Variants in NSMCE4A observed in about 807,000 individuals in gnomAD.
NSMCE4A encodes the protein non-structural maintenance of chromosomes element 4 homolog A.
In NSMCE4A, 40 loss-of-function variants were observed where a neutral mutation model predicts 47.9. That is an observed-to-expected ratio of 0.83 (90% CI 0.65 to 1.09). NSMCE4A has a LOEUF of 1.09. NSMCE4A is among the 50% of genes least tolerant of loss of function. The probability of loss-of-function intolerance (pLI) is 0.00; values close to 1 mark genes in which losing one functional copy is unlikely to be tolerated. For synonymous variants in NSMCE4A, 166 were observed against 178.5 expected, an observed-to-expected ratio of 0.93 and a Z score of 0.56; for missense variants, 500 against 507.0, an observed-to-expected ratio of 0.99 and a Z score of 0.13.
intron 3 of NSMCE4A, among the ~76,000 whole-genome samples, chr10:121,968,795 G>T (rs946067189): frequency 7.9e-5 from 12 of 152,212 alleles, no homozygotes; most frequent in African/African-American, 2.9e-4. Flanking sequence ...AAGGCTACAA[G>T]AGCCTGGTCA....
chr10:121,967,642 A>T lies in NSMCE4A; in HGVS notation c.653+13T>A, dbSNP rs1952631322. 1 of 1,600,994 alleles carries T rather than the reference A, an allele frequency of 6.2e-7. No individual in the cohort carries two copies. On this transcript the variant is annotated intron_variant, in intron 4 of 10. Transcript: ENST00000369023. ...CAAATAACTGGTCTGTTGGATTTTT[A>T]AAATAATCTTACAGAAAGTGGAATG...
intron 6 of NSMCE4A, chr10:121,961,816 T>C: frequency 3.7e-6 from 1 of 273,262 alleles, no homozygotes; most frequent in Non-Finnish European, 6.9e-6. Context: ...AAGAACTTAA[T>C]CATCCAGCTG....
At chr10:121,972,630 G>A (rs1221900048) in intron 2 of NSMCE4A, among the ~76,000 whole-genome samples, 1 of 152,150 alleles carries the variant, frequency 6.6e-6, no homozygotes, top group Non-Finnish European at 1.5e-5. Flanking sequence ...GAACTGACTA[G>A]ATGCACAGTA....
At position 121,961,507 on chromosome 10, in the gene NSMCE4A, T is replaced by C. The variant is rs1952497066; in HGVS notation, c.855A>G (p.Pro285=). 1 of 1,563,424 alleles carries C rather than the reference T, an allele frequency of 6.4e-7. No homozygotes were observed. The highest frequency in any genetic ancestry group is 2.2e-5 in the Admixed American group (1 of 44,504). The change falls in exon 7 of 11, where the codon CCA becomes CCG. Residue 285 remains proline, a synonymous_variant. Transcript: ENST00000369023. ...QTYFREDPDT[P]MSFFDFVVDP... The stretch of plus-strand genomic sequence containing the variant: ...CAACCACAAAGTCAAAGAAGGACAT[T>C]GGGGTATCAGCTATAGACAAAAAGA...
rs755669906 is a variant in NSMCE4A at position 121,963,332 on chromosome 10, A to C, written c.754-4T>G. The C allele has an allele frequency of 6.3e-7, 1 of 1,576,920 alleles. No individual in the cohort carries two copies. Among genetic ancestry groups the C allele is most frequent in the South Asian group, 1.1e-5 (1 of 90,188 alleles). On this transcript the variant is annotated splice_polypyrimidine_tract_variant and splice_region_variant and intron_variant, in intron 5 of 10. Coordinates refer to ENST00000369023, the MANE Select transcript of NSMCE4A (RefSeq NM_017615.3). ...GAGATTCTTCCATTCTTCTTAACTG[A>C]AAAAAGTCATTATCAAGCTGACAGA...
intron 1 of NSMCE4A, chr10:121,974,490 CGTGCCGCTGCAGCTGCAG>C: frequency 1.0e-6 from 1 of 995,200 alleles, no homozygotes. Context: ...ACAGCTCTCG[CGTGCCGCTGCAGCTGCAG>C]CTGCCGCTGC....
chr10:121,964,540 T>A (rs1475883977), intron 5 of NSMCE4A, among the ~76,000 whole-genome samples: 1 of 152,054 alleles, frequency 6.6e-6, no homozygotes, highest in Non-Finnish European at 1.5e-5. Context: ...GCCTCCTAGA[T>A]TCCTAATTCT....
intron 8 of NSMCE4A, 64 bp from the exon 9 acceptor site, chr10:121,959,659 C>T (rs1014681713): frequency 3.4e-5 from 36 of 1,062,186 alleles, no homozygotes; most frequent in Middle Eastern, 2.1e-4. Flanking sequence ...GTAATCTAAA[C>T]GGAAACTGAT....
At chr10:121,957,798 T>C (rs1952425769) in intron 10 of NSMCE4A, among the ~76,000 whole-genome samples, 1 of 152,064 alleles carries the variant, frequency 6.6e-6, no homozygotes, top group Non-Finnish European at 1.5e-5. Flanking sequence ...TTGAAGCACA[T>C]ATTAAGTGCT....
intron 10 of NSMCE4A, among the ~76,000 whole-genome samples, chr10:121,958,960 G>A (rs1248022571): frequency 1.3e-5 from 2 of 152,080 alleles, no homozygotes; most frequent in African/African-American, 4.8e-5. Context: ...GATTACAGGT[G>A]CATGCCACCA....
intron 2 of NSMCE4A, among the ~76,000 whole-genome samples, chr10:121,972,182 C>T (rs1952726624): frequency 6.6e-6 from 1 of 152,080 alleles, no homozygotes; most frequent in African/African-American, 2.4e-5. Context: ...ATTAGCTGGG[C>T]ATGGTGGTGC....
chr10:121,962,463 G>A (rs1326862446), intron 6 of NSMCE4A, among the ~76,000 whole-genome samples: 2 of 151,366 alleles, frequency 1.3e-5, no homozygotes, highest in Non-Finnish European at 2.9e-5. Flanking sequence ...TGGAGGATCT[G>A]TTAAATATAT....
At chr10:121,969,513 A>AAG (rs1310507802) in intron 3 of NSMCE4A, among the ~76,000 whole-genome samples, 2 of 151,998 alleles carry the variant, frequency 1.3e-5, no homozygotes, top group Non-Finnish European at 2.9e-5. Flanking sequence ...AAAAAAAAAA[A>AAG]AAAAAAGGAA....
rs1457698860 is a variant in NSMCE4A, at chr10:121,967,599, AAAGCAATTT to A, written c.653+47_653+55del. The A allele has an allele frequency of 1.1e-5, 17 of 1,549,818 alleles. No homozygotes were observed. The Admixed American group carries it at 2.5e-4, about 23-fold the overall frequency. The stretch of plus-strand genomic sequence containing the variant: ...CAAATAATCTTTGTCCCTACAAGAA[AAAGCAATTT>A]AAGGTTCACAAATAACTGGTCTGTT... On this transcript the variant is annotated intron_variant, in intron 4 of 10. Transcript: ENST00000369023.
intron 5 of NSMCE4A, 26 bp from the exon 6 acceptor site, chr10:121,963,354 C>T (rs1193352204): frequency 7.3e-7 from 1 of 1,366,852 alleles, no homozygotes; most frequent in Admixed American, 1.7e-5. Flanking sequence ...ATCAAGCTGA[C>T]AGACCTACTT....
At chr10:121,959,072 C>A (rs894320733) in intron 10 of NSMCE4A, among the ~76,000 whole-genome samples, 1 of 152,136 alleles carries the variant, frequency 6.6e-6, no homozygotes, top group African/African-American at 2.4e-5. Context: ...CTTGGCCTCC[C>A]AAAGTGCTGG....
In NSMCE4A at chr10:121,972,235, T is replaced by C. The variant is rs933876100; in HGVS notation, c.371-1166A>G. Among the ~76,000 whole-genome samples, 6 of 152,200 alleles carry C rather than the reference T, an allele frequency of 3.9e-5. 1 individual carries two copies. Among genetic ancestry groups the C allele is most frequent in the African/African-American group, 1.4e-4 (6 of 41,542 alleles). ...TACTCGGGTGGCTGAAGCTGGAGAATAGCTTTAACCTGGGGGGGGCAGAGG... is the reference window on the plus strand; with the variant it reads ...TACTCGGGTGGCTGAAGCTGGAGAACAGCTTTAACCTGGGGGGGGCAGAGG... On this transcript the variant is annotated intron_variant, in intron 2 of 10. Transcript: ENST00000369023.
At chr10:121,968,764 A>G (rs1019855265) in intron 3 of NSMCE4A, among the ~76,000 whole-genome samples, 2 of 152,228 alleles carry the variant, frequency 1.3e-5, no homozygotes, top group Non-Finnish European at 2.9e-5. Flanking sequence ...TATTAAAGGC[A>G]ATCAGACTTT....
intron 8 of NSMCE4A, chr10:121,959,902 T>C (rs182904865): frequency 5.2e-6 from 2 of 388,056 alleles, no homozygotes; most frequent in East Asian, 1.1e-4. Flanking sequence ...ATTGAGAACA[T>C]TGAAAGTAGC....
Sources: gnomAD v4.1 joint callset for allele counts (sites outside exome capture counted in the v4.1 genomes callset) on GRCh38, gnomAD v4.1.1 for gene constraint, MANE v1.5 for transcripts, NCBI Gene and HGNC (gene_info 2026-07-23, HGNC 2026-07-21) for gene names.